Variants in ACYP2 observed in about 807,000 individuals in gnomAD.
ACYP2 encodes the protein acylphosphatase 2.
ACYP2 carries 12 observed loss-of-function variants against 11.2 expected under a neutral mutation model. The ratio of observed to expected loss-of-function variants is 1.08; its 90% CI spans 0.69 to 1.74. ACYP2 has a LOEUF of 1.74. Among genes scored for constraint, ACYP2 ranks in the 40% most tolerant of loss-of-function variants. ACYP2 has a pLI of 0.00. For synonymous variants in ACYP2, 43 were observed against 32.2 expected (o/e 1.33, Z -1.13); for missense variants, 134 against 101.9 (o/e 1.31, Z -1.35).
chr2:54,174,517 T>A (rs1238170666), intron 6 of ACYP2, among the ~76,000 whole-genome samples: 1 of 152,192 alleles, frequency 6.6e-6, no homozygotes, highest in Non-Finnish European at 1.5e-5. Flanking sequence ...ACCCTTTATT[T>A]CTTTTTCTTG....
intron 6 of ACYP2, among the ~76,000 whole-genome samples, chr2:54,302,630 C>A (rs1689770080): frequency 6.6e-6 from 1 of 152,188 alleles, no homozygotes; most frequent in African/African-American, 2.4e-5. Context: ...ACTCATAGGT[C>A]CAACTGCCTA....
rs1220279002 is a variant in ACYP2 at position 54,304,866 on chromosome 2, T to C, written c.*64T>C. On this transcript the variant is annotated 3_prime_UTR_variant, in exon 7 of 7. Coordinates refer to ENST00000607452, the MANE Select transcript of ACYP2 (RefSeq NM_001320586.2). ...TGTATGTTCTTAAGACTATGTATAC[T>C]AGAATAATAGTAGCAGAGTAGGGTG... 4 of 872,412 alleles carry C rather than the reference T, an allele frequency of 4.6e-6. No individual in the cohort carries two copies. The Admixed American group carries it at 9.5e-5, about 21-fold the overall frequency. 54.0% of individuals were successfully genotyped at this position (872,412 alleles called of 1,614,324 possible).
intron 6 of ACYP2, among the ~76,000 whole-genome samples, chr2:54,197,954 ATTGTATTGTATTG>A (rs1684575309): frequency 3.9e-5 from 1 of 25,650 alleles, no homozygotes; most frequent in Admixed American, 3.5e-4. Context: ...ATTGTATTGT[ATTGTATTGTATTG>A]TATTGTATTG....
At position 54,043,632 on chromosome 2, in the gene ACYP2, A is replaced by T. The variant is rs140795578; in HGVS notation, c.63-7326A>T. On this transcript the variant is annotated intron_variant, in intron 2 of 6. Coordinates refer to ENST00000607452, the MANE Select transcript of ACYP2 (RefSeq NM_001320586.2). Reference sequence around the variant, plus strand: ...CCTGTGTGGAATTAGATTATATGATATATGAATTTCATTTAAAATCATGAA... The same window carrying T: ...CCTGTGTGGAATTAGATTATATGATTTATGAATTTCATTTAAAATCATGAA... Among the ~76,000 whole-genome samples the T allele has an allele frequency of 3.0e-3, 458 of 152,354 alleles. 4 individuals carry two copies. The highest frequency in any genetic ancestry group is 0.011 in the African/African-American group (452 of 41,578).
intron 2 of ACYP2, among the ~76,000 whole-genome samples, chr2:53,977,173 G>T (rs1041595041): frequency 6.6e-6 from 1 of 151,942 alleles, no homozygotes; most frequent in Non-Finnish European, 1.5e-5. Context: ...TCAGTTTCCC[G>T]AGTAGCTGGG....
intron 4 of ACYP2, among the ~76,000 whole-genome samples, chr2:54,112,081 T>A (rs926078498): frequency 2.0e-5 from 3 of 152,214 alleles, no homozygotes; most frequent in Admixed American, 2.0e-4. Flanking sequence ...AATACACACA[T>A]GTAAATGTGT....
chr2:54,061,518 G>C (rs115255606), intron 4 of ACYP2, among the ~76,000 whole-genome samples: 2,528 of 152,156 alleles, frequency 0.017, 55 homozygotes, highest in African/African-American at 0.057. Context: ...AACCTTAGAG[G>C]GCTGGTCTAT....
chr2:54,240,368 C>G (rs1477041848), intron 6 of ACYP2, among the ~76,000 whole-genome samples: 2 of 152,032 alleles, frequency 1.3e-5, no homozygotes, highest in Non-Finnish European at 2.9e-5. Context: ...TGTGGTGAAG[C>G]CTTCTTGGTG....
intron 6 of ACYP2, among the ~76,000 whole-genome samples, chr2:54,234,132 G>C (rs1029087692): frequency 1.3e-5 from 2 of 152,164 alleles, no homozygotes; most frequent in Non-Finnish European, 2.9e-5. Flanking sequence ...CTTGTTTGAT[G>C]ATAGGAATAA....
intron 6 of ACYP2, among the ~76,000 whole-genome samples, chr2:54,240,934 G>C (rs1160397806): frequency 6.6e-6 from 1 of 152,200 alleles, no homozygotes. Context: ...CCGAGGAGAT[G>C]AATGTCTGTT....
rs759576559 is a variant in ACYP2, at chr2:54,255,595, T to G, written c.405-49093T>G. 11 of 1,613,096 alleles carry G rather than the reference T, an allele frequency of 6.8e-6. 1 individual carries two copies. Among genetic ancestry groups the G allele is most frequent in the South Asian group, 6.6e-5 (6 of 91,062 alleles). On this transcript the variant is annotated intron_variant, in intron 6 of 6. Coordinates refer to ENST00000607452, the MANE Select transcript of ACYP2 (RefSeq NM_001320586.2). ...CCCGGGCCCGGGCCCAGGCCCTGCC[T>G]CCCTGTTTACCTCATCTATTGCTCT...
intron 6 of ACYP2, among the ~76,000 whole-genome samples, chr2:54,146,775 ATTC>A (rs1681912540): frequency 6.7e-6 from 1 of 149,080 alleles, no homozygotes; most frequent in Non-Finnish European, 1.5e-5. Flanking sequence ...TTTTCAAAGT[ATTC>A]TTCTGATTTT....
chr2:54,175,169 T>C (rs1032604736), intron 6 of ACYP2, among the ~76,000 whole-genome samples: 2 of 152,178 alleles, frequency 1.3e-5, no homozygotes, highest in African/African-American at 2.4e-5. Context: ...TGGAGTTTTT[T>C]TTGGTTGGTA....
At chr2:54,271,615 A>G (rs1688309573) in intron 6 of ACYP2, among the ~76,000 whole-genome samples, 1 of 151,962 alleles carries the variant, frequency 6.6e-6, no homozygotes, top group Admixed American at 6.6e-5. Context: ...CTAGCCCCTT[A>G]TCAGAGAGAC....
At chr2:54,006,130 T>C (rs1673051686) in intron 2 of ACYP2, among the ~76,000 whole-genome samples, 1 of 152,102 alleles carries the variant, frequency 6.6e-6, no homozygotes, top group Non-Finnish European at 1.5e-5. Context: ...ACTACAGGTA[T>C]GCACCATGTC....
intron 4 of ACYP2, among the ~76,000 whole-genome samples, chr2:54,086,945 GATACTTATAAAACATT>G (rs1348875898): frequency 6.6e-6 from 1 of 152,206 alleles, no homozygotes; most frequent in Non-Finnish European, 1.5e-5. Flanking sequence ...AACTTACCAG[GATACTTATAAAACATT>G]ATGCCATAGG....
chr2:54,032,080 T>C (rs1433602358), intron 2 of ACYP2, among the ~76,000 whole-genome samples: 1 of 152,220 alleles, frequency 6.6e-6, no homozygotes, highest in Admixed American at 6.5e-5. Context: ...GTAGGTTGCC[T>C]GTTCACTCTG....
chr2:54,026,355 A>C (rs1211720460), intron 2 of ACYP2, among the ~76,000 whole-genome samples: 1 of 152,226 alleles, frequency 6.6e-6, no homozygotes, highest in Non-Finnish European at 1.5e-5. Flanking sequence ...ATGCAAATCA[A>C]AACCACAATA....
Position 54,271,169 on chromosome 2 carries a change from C to T in ACYP2, c.405-33519C>T, listed in dbSNP as rs558868395. On this transcript the variant is annotated intron_variant, in intron 6 of 6. Transcript: ENST00000607452. ...GAACCAAGGATGATAATAGTCCCTC[C>T]CTAAGACTGATCCCCTCCTTGTCCG... Among the ~76,000 whole-genome samples, 7 of 152,262 alleles carry T rather than the reference C, an allele frequency of 4.6e-5. No homozygotes were observed. The South Asian group carries it at 6.2e-4, about 14-fold the overall frequency.
Sources: allele counts gnomAD v4.1 joint callset (sites outside exome capture counted in the v4.1 genomes callset), GRCh38; gene constraint gnomAD v4.1.1; transcripts MANE v1.5; gene names NCBI Gene and HGNC (gene_info 2026-07-23, HGNC 2026-07-21).